CCSER1: variants seen among roughly 807,000 people sequenced by gnomAD.
The protein encoded by CCSER1 is coiled-coil serine rich protein 1.
CCSER1 carries 41 observed loss-of-function variants against 82.0 expected under a neutral mutation model. The ratio of observed to expected loss-of-function variants is 0.50; its 90% CI spans 0.39 to 0.65. CCSER1 has a LOEUF of 0.65. CCSER1 is among the 30% of genes least tolerant of loss of function. The pLI is 0.00. For missense variants in CCSER1, 1,119 were observed against 1,064.2 expected (o/e 1.05, Z -0.72); for synonymous variants, 414 against 383.9 (o/e 1.08, Z -0.92).
chr4:90,404,525 A>G (rs566543176), intron 4 of CCSER1, among the ~76,000 whole-genome samples: 1 of 152,316 alleles, frequency 6.6e-6, no homozygotes, highest in African/African-American at 2.4e-5. Context: ...TGCCTTCTTG[A>G]AAGTGTTACT....
intron 4 of CCSER1, among the ~76,000 whole-genome samples, chr4:90,401,322 A>G (rs114353390): frequency 0.01 from 1,545 of 152,296 alleles, 16 homozygotes; most frequent in South Asian, 0.03. Flanking sequence ...ACTTCTAGAT[A>G]TCTAATTCTA....
intron 5 of CCSER1, among the ~76,000 whole-genome samples, chr4:90,496,836 G>A (rs373321999): frequency 1.8e-4 from 27 of 151,994 alleles, no homozygotes; most frequent in African/African-American, 6.5e-4. Context: ...AATTAGCTGG[G>A]TGTGGTGGCT....
intron 3 of CCSER1, among the ~76,000 whole-genome samples, chr4:90,382,737 T>C (rs1431610085): frequency 6.6e-6 from 1 of 152,114 alleles, no homozygotes; most frequent in Non-Finnish European, 1.5e-5. Flanking sequence ...ATTCAGTAAG[T>C]GTAATTCTAT....
At chr4:90,616,984 T>C (rs1462532435) in intron 5 of CCSER1, among the ~76,000 whole-genome samples, 2 of 152,176 alleles carry the variant, frequency 1.3e-5, no homozygotes, top group Non-Finnish European at 2.9e-5. Flanking sequence ...TCTGTTTTGC[T>C]GTGTGTATCC....
intron 4 of CCSER1, among the ~76,000 whole-genome samples, chr4:90,424,920 C>T (rs1395125309): frequency 6.6e-6 from 1 of 152,206 alleles, no homozygotes; most frequent in Non-Finnish European, 1.5e-5. Context: ...AAATTTGAAA[C>T]CAGGTGTCAC....
At chr4:91,580,777 T>G (rs549503228) in intron 10 of CCSER1, among the ~76,000 whole-genome samples, 2 of 151,846 alleles carry the variant, frequency 1.3e-5, no homozygotes, top group Admixed American at 1.3e-4. Flanking sequence ...AACAATTGCC[T>G]CCTTGACAAT....
At chr4:91,190,199 G>A (rs144767982) in intron 10 of CCSER1, among the ~76,000 whole-genome samples, 137 of 152,226 alleles carry the variant, frequency 9.0e-4, no homozygotes, top group Middle Eastern at 3.4e-3. Context: ...ATGGACAAGC[G>A]GTACAATCTC....
intron 1 of CCSER1, among the ~76,000 whole-genome samples, chr4:90,141,554 C>T (rs1724796076): frequency 6.6e-6 from 1 of 152,096 alleles, no homozygotes; most frequent in Admixed American, 6.5e-5. Context: ...ATTTAACATG[C>T]AATATGTGCA....
intron 10 of CCSER1, among the ~76,000 whole-genome samples, chr4:91,356,763 C>T (rs1748862974): frequency 6.6e-6 from 1 of 152,178 alleles, no homozygotes; most frequent in Non-Finnish European, 1.5e-5. Flanking sequence ...GTCTCCTCCC[C>T]TGCCATGAGA....
intron 7 of CCSER1, among the ~76,000 whole-genome samples, chr4:90,774,744 A>G (rs1214859282): frequency 6.6e-6 from 1 of 152,072 alleles, no homozygotes; most frequent in Non-Finnish European, 1.5e-5. Flanking sequence ...TTTTCCAGGC[A>G]TGCTTGGTGA....
At chr4:91,172,800 C>T (rs1052503999) in intron 10 of CCSER1, among the ~76,000 whole-genome samples, 2 of 149,504 alleles carry the variant, frequency 1.3e-5, no homozygotes, top group East Asian at 2.0e-4. Context: ...GGGCTTAATG[C>T]AATCTAACAT....
chr4:90,415,687 C>T (rs753018138), intron 4 of CCSER1, among the ~76,000 whole-genome samples: 1 of 152,116 alleles, frequency 6.6e-6, no homozygotes, highest in Non-Finnish European at 1.5e-5. Context: ...TTTTGGAATA[C>T]TTAATCTTTA....
intron 10 of CCSER1, among the ~76,000 whole-genome samples, chr4:91,103,708 C>T (rs530924106): frequency 2.6e-5 from 4 of 152,022 alleles, no homozygotes; most frequent in Non-Finnish European, 5.9e-5. Flanking sequence ...ACCTCAGGAC[C>T]ACTGTGATAA....
At chr4:90,509,831 T>G (rs1771225090) in intron 5 of CCSER1, among the ~76,000 whole-genome samples, 1 of 151,016 alleles carries the variant, frequency 6.6e-6, no homozygotes, top group Admixed American at 6.6e-5. Flanking sequence ...CTTGAATATT[T>G]AAAACGTGCT....
chr4:90,740,139 A>G lies in CCSER1; in HGVS notation c.2010+16148A>G, dbSNP rs79146260. ...ATGTCACCATATTTAAATTAACTTCAAAGAATTATGTTTTTTAAAAGTATT... is the reference window on the plus strand; with the variant it reads ...ATGTCACCATATTTAAATTAACTTCGAAGAATTATGTTTTTTAAAAGTATT... On this transcript the variant is annotated intron_variant, in intron 7 of 10. Coordinates refer to ENST00000509176, the MANE Select transcript of CCSER1 (RefSeq NM_001145065.2). 4.9e-4 allele frequency among the ~76,000 whole-genome samples: 74 copies of G among 152,340 alleles called. 1 individual carries two copies. The East Asian group carries it at 0.011, about 23-fold the overall frequency.
chr4:91,114,705 C>CCGCTT (rs1726397883), intron 10 of CCSER1, among the ~76,000 whole-genome samples: 1 of 152,186 alleles, frequency 6.6e-6, no homozygotes, highest in Admixed American at 6.5e-5. Flanking sequence ...GAGACGGCTC[C>CCGCTT]CGCTTCTCCT....
chr4:90,468,838 C>T (rs1392047016), intron 5 of CCSER1, among the ~76,000 whole-genome samples: 3 of 151,962 alleles, frequency 2.0e-5, no homozygotes, highest in Non-Finnish European at 4.4e-5. Flanking sequence ...TCCATTTAAA[C>T]AGTTCAAGCT....
chr4:91,405,763 G>C (rs767148884), intron 10 of CCSER1, among the ~76,000 whole-genome samples: 9 of 152,096 alleles, frequency 5.9e-5, no homozygotes, highest in Non-Finnish European at 1.2e-4. Flanking sequence ...GAATTTTCCA[G>C]GTACCATCTG....
chr4:91,261,479 T>C lies in CCSER1; in HGVS notation c.2217+175485T>C, dbSNP rs192567081. 4.8e-4 allele frequency among the ~76,000 whole-genome samples: 73 copies of C among 152,340 alleles called. No individual in the cohort carries two copies. In the East Asian group the frequency reaches 0.011, roughly 22 times the overall value. On this transcript the variant is annotated intron_variant, in intron 10 of 10. Transcript: ENST00000509176. ...TCAATATGGTATCTTGGAAAGAATCTGGATTTTGGAGTCATAGTACCTTTC... is the reference window on the plus strand; with the variant it reads ...TCAATATGGTATCTTGGAAAGAATCCGGATTTTGGAGTCATAGTACCTTTC...
Sources: gnomAD v4.1 joint callset for allele counts (sites outside exome capture counted in the v4.1 genomes callset) on GRCh38, gnomAD v4.1.1 for gene constraint, MANE v1.5 for transcripts, NCBI Gene and HGNC (gene_info 2026-07-23, HGNC 2026-07-21) for gene names.